COL13A1: variants seen among roughly 807,000 people sequenced by gnomAD.
COL13A1 encodes the protein collagen alpha-1(XIII) chain.
Under a neutral mutation model 130.9 loss-of-function variants are expected in COL13A1, and 89 were observed. The ratio of observed to expected loss-of-function variants is 0.68; its 90% CI spans 0.57 to 0.81. COL13A1 has a LOEUF of 0.81. Ranked by LOEUF, COL13A1 falls within the 30% of genes least tolerant of loss-of-function variation. The pLI, the probability that COL13A1 is intolerant of heterozygous loss-of-function variation, is 0.00. For synonymous variants in COL13A1, 402 were observed against 341.6 expected, an observed-to-expected ratio of 1.18 and a Z score of -1.95; for missense variants, 879 against 934.6, an observed-to-expected ratio of 0.94 and a Z score of 0.78.
At chr10:69,923,143 T>C (rs572993552) in intron 23 of COL13A1, among the ~76,000 whole-genome samples, 10 of 152,318 alleles carry the variant, frequency 6.6e-5, no homozygotes, top group Admixed American at 5.2e-4. Flanking sequence ...TTGATGGCCA[T>C]GCTGTAACTG....
intron 19 of COL13A1, among the ~76,000 whole-genome samples, chr10:69,918,668 C>T (rs2064234064): frequency 6.6e-6 from 1 of 152,214 alleles, no homozygotes; most frequent in African/African-American, 2.4e-5. Flanking sequence ...CCAGAACCCC[C>T]ACCCTAACTG....
intron 21 of COL13A1, 136 bp downstream of exon 21, chr10:69,919,863 C>T: frequency 5.0e-6 from 2 of 397,000 alleles, no homozygotes; most frequent in Non-Finnish European, 8.9e-6. Flanking sequence ...AGGGGAGTGG[C>T]AGGACGGCCT....
intron 32 of COL13A1, among the ~76,000 whole-genome samples, 187 bp from the exon 33 acceptor site, chr10:69,936,569 C>T (rs1417156249): frequency 6.6e-6 from 1 of 152,076 alleles, no homozygotes; most frequent in Non-Finnish European, 1.5e-5. Flanking sequence ...AAGACTGGCT[C>T]AGACTATTCC....
At chr10:69,854,421 A>G (rs1210782337) in intron 2 of COL13A1, among the ~76,000 whole-genome samples, 1 of 151,988 alleles carries the variant, frequency 6.6e-6, no homozygotes, top group African/African-American at 2.4e-5. Flanking sequence ...TTAAAACAAT[A>G]AATTAGCCAG....
rs541489679 is a variant in COL13A1, at chr10:69,914,685, T to G, written c.922-2604T>G. 2.6e-5 allele frequency among the ~76,000 whole-genome samples: 4 copies of G among 152,318 alleles called. No individual in the cohort carries two copies. The South Asian group carries it at 8.3e-4, about 32-fold the overall frequency. On this transcript the variant is annotated intron_variant, in intron 17 of 40. Coordinates refer to ENST00000645393, the MANE Select transcript of COL13A1 (RefSeq NM_001368882.1). Reference sequence around the variant, plus strand: ...CAGAGGACTGTGGGGGCCTCTGTACTGAGTCAAACTGGTCTGGTCATTCAG... The same window carrying G: ...CAGAGGACTGTGGGGGCCTCTGTACGGAGTCAAACTGGTCTGGTCATTCAG...
intron 2 of COL13A1, among the ~76,000 whole-genome samples, chr10:69,848,354 AG>A (rs903108334): frequency 6.6e-6 from 1 of 152,234 alleles, no homozygotes; most frequent in Non-Finnish European, 1.5e-5. Context: ...ATTAAGTGCA[AG>A]ACCCTTACAT....
intron 2 of COL13A1, among the ~76,000 whole-genome samples, chr10:69,853,818 A>T (rs1378077892): frequency 6.6e-6 from 1 of 152,180 alleles, no homozygotes; most frequent in African/African-American, 2.4e-5. Flanking sequence ...TATTCCGTGC[A>T]CACCGATTTC....
chr10:69,949,246 G>A (rs189920574), intron 38 of COL13A1, among the ~76,000 whole-genome samples: 75 of 152,270 alleles, frequency 4.9e-4, no homozygotes, highest in African/African-American at 1.7e-3. Flanking sequence ...GCAATGGCGC[G>A]ATCTCAGCTC....
intron 17 of COL13A1, among the ~76,000 whole-genome samples, chr10:69,914,082 A>G (rs1565043074): frequency 6.6e-6 from 1 of 152,130 alleles, no homozygotes; most frequent in Non-Finnish European, 1.5e-5. Context: ...AACCCCAATT[A>G]GCCTGGAGAC....
At chr10:69,914,418 G>C (rs539608771) in intron 17 of COL13A1, among the ~76,000 whole-genome samples, 2 of 152,324 alleles carry the variant, frequency 1.3e-5, no homozygotes, top group African/African-American at 4.8e-5. Context: ...AGGAGCACCA[G>C]TGGATGGGAG....
intron 31 of COL13A1, among the ~76,000 whole-genome samples, chr10:69,933,053 G>A (rs10999029): frequency 3.5e-5 from 5 of 142,634 alleles, no homozygotes; most frequent in Admixed American, 2.2e-4. Context: ...GGAGAATCAC[G>A]TGAACCCAGG....
At chr10:69,836,366 C>T (rs954420328) in intron 2 of COL13A1, among the ~76,000 whole-genome samples, 2 of 152,236 alleles carry the variant, frequency 1.3e-5, no homozygotes, top group Non-Finnish European at 2.9e-5. Flanking sequence ...AGGTCTAGAA[C>T]CACACTGTTG....
chr10:69,842,673 C>G (rs1168532372), intron 2 of COL13A1, among the ~76,000 whole-genome samples: 1 of 152,256 alleles, frequency 6.6e-6, no homozygotes, highest in Non-Finnish European at 1.5e-5. Flanking sequence ...GTACACTACA[C>G]TCTTGTCTCC....
chr10:69,817,242 G>A (rs1458808670), intron 1 of COL13A1, among the ~76,000 whole-genome samples: 1 of 152,078 alleles, frequency 6.6e-6, no homozygotes, highest in Non-Finnish European at 1.5e-5. Context: ...CAGGAAGGCA[G>A]GGGACTTGCT....
rs2071314016 is a variant in COL13A1 at position 69,958,851 on chromosome 10, T to C, written c.*150T>C. On this transcript the variant is annotated 3_prime_UTR_variant, in exon 41 of 41. Coordinates refer to ENST00000645393, the MANE Select transcript of COL13A1 (RefSeq NM_001368882.1). The stretch of plus-strand genomic sequence containing the variant: ...AAACCTGCATATTTTGTACAGAAAA[T>C]ATCAACCTCTTCCCTTTTGTTTACA... 3 of 1,039,124 alleles carry C rather than the reference T, an allele frequency of 2.9e-6. No homozygotes were observed. Among genetic ancestry groups the C allele is most frequent in the Non-Finnish European group, 4.1e-6 (3 of 729,302 alleles). The allele number at this position is 1,039,124 out of a possible 1,614,324, so 64.4% of individuals were successfully genotyped here.
At chr10:69,811,622 G>A (rs1210094785) in intron 1 of COL13A1, among the ~76,000 whole-genome samples, 2 of 152,042 alleles carry the variant, frequency 1.3e-5, no homozygotes, top group African/African-American at 4.8e-5. Context: ...ATAGAATCAG[G>A]AAGGGCCTTC....
At chr10:69,932,688 T>C in intron 31 of COL13A1, 84 bp downstream of exon 31, 1 of 906,380 alleles carries the variant, frequency 1.1e-6, no homozygotes, top group Non-Finnish European at 1.8e-6. Flanking sequence ...AGAATGAAGC[T>C]TGCAACTGCC....
Position 69,894,548 on chromosome 10 carries a change from A to G in COL13A1, c.604-4A>G, listed in dbSNP as rs774825232. Reference sequence around the variant, plus strand: ...ACTGACCTGTGTGTGTTTGCTTCCCACAGGGTCTGACGGGTCCCCCAGGAC... The same window carrying G: ...ACTGACCTGTGTGTGTTTGCTTCCCGCAGGGTCTGACGGGTCCCCCAGGAC... On this transcript the variant is annotated splice_polypyrimidine_tract_variant and splice_region_variant and intron_variant, in intron 10 of 40. Coordinates refer to ENST00000645393, the MANE Select transcript of COL13A1 (RefSeq NM_001368882.1). The G allele has an allele frequency of 1.7e-5, 28 of 1,613,684 alleles. No homozygotes were observed. The highest frequency in any genetic ancestry group is 2.0e-5 in the Non-Finnish European group (24 of 1,179,868).
At chr10:69,943,798 G>A (rs1331125337) in intron 35 of COL13A1, among the ~76,000 whole-genome samples, 1 of 152,242 alleles carries the variant, frequency 6.6e-6, no homozygotes, top group Non-Finnish European at 1.5e-5. Flanking sequence ...CCTGCCCCGG[G>A]ATGGGTCCAC....
Sources: gnomAD v4.1 joint callset for allele counts (sites outside exome capture counted in the v4.1 genomes callset) on GRCh38, gnomAD v4.1.1 for gene constraint, MANE v1.5 for transcripts, NCBI Gene and HGNC (gene_info 2026-07-23, HGNC 2026-07-21) for gene names.